The following KAZN variants were observed in gnomAD, a reference collection of about 807,000 sequenced individuals.
KAZN encodes the protein kazrin, periplakin interacting protein, also known as kazrin.
A neutral mutation model predicts 87.4 loss-of-function variants in KAZN; 40 were observed. The ratio of observed to expected loss-of-function variants is 0.46; its 90% CI spans 0.36 to 0.60. The LOEUF is 0.60. Ranked by LOEUF, KAZN falls within the 20% of genes least tolerant of loss-of-function variation. The probability of loss-of-function intolerance (pLI) is 0.00; values close to 1 mark genes in which losing one functional copy is unlikely to be tolerated. For synonymous variants in KAZN, 466 were observed against 458.3 expected, an observed-to-expected ratio of 1.02 and a Z score of -0.22; for missense variants, 898 against 1,073.9, an observed-to-expected ratio of 0.84 and a Z score of 2.29.
intron 1 of KAZN, among the ~76,000 whole-genome samples, chr1:14,049,033 C>T (rs960678505): frequency 6.6e-6 from 1 of 152,114 alleles, no homozygotes; most frequent in Non-Finnish European, 1.5e-5. Context: ...TATTGCAGCA[C>T]TATTCACAAT....
chr1:14,741,421 T>C (rs1322572833), intron 1 of KAZN, among the ~76,000 whole-genome samples: 1 of 152,190 alleles, frequency 6.6e-6, no homozygotes, highest in Non-Finnish European at 1.5e-5. Context: ...TACAGTTTTT[T>C]TCTTGGGTTT....
chr1:14,459,886 A>AT (rs757025620), intron 2 of KAZN, among the ~76,000 whole-genome samples: 20 of 152,034 alleles, frequency 1.3e-4, no homozygotes, highest in Non-Finnish European at 2.1e-4. Context: ...TTTCTGTGGG[A>AT]TTTTTTTTCT....
chr1:14,438,114 A>G (rs1666505195), intron 2 of KAZN, among the ~76,000 whole-genome samples: 2 of 145,176 alleles, frequency 1.4e-5, no homozygotes, highest in South Asian at 4.3e-4. Context: ...AAAAAAAAAG[A>G]TCTGAGCAAC....
intron 2 of KAZN, among the ~76,000 whole-genome samples, chr1:14,519,390 CAAAG>C (rs892143509): frequency 2.0e-5 from 3 of 152,152 alleles, no homozygotes; most frequent in Non-Finnish European, 4.4e-5. Context: ...GGCAAAGAAA[CAAAG>C]AAAGGACTTG....
At chr1:14,218,034 C>A (rs1646996547) in intron 2 of KAZN, among the ~76,000 whole-genome samples, 1 of 151,968 alleles carries the variant, frequency 6.6e-6, no homozygotes. Flanking sequence ...AGAGTAAATT[C>A]CAATAAACCA....
chr1:14,429,085 T>G (rs986672540), intron 2 of KAZN, among the ~76,000 whole-genome samples: 2 of 152,174 alleles, frequency 1.3e-5, no homozygotes, highest in Non-Finnish European at 2.9e-5. Context: ...AGGGAGTTTT[T>G]CTCTCCCATC....
chr1:14,823,495 T>TG (rs1386485614), intron 1 of KAZN, among the ~76,000 whole-genome samples: 1 of 151,988 alleles, frequency 6.6e-6, no homozygotes, highest in Non-Finnish European at 1.5e-5. Flanking sequence ...TTTGGAAATT[T>TG]GGGGGGTCGC....
chr1:14,953,673 G>A (rs1476745039), intron 1 of KAZN, among the ~76,000 whole-genome samples: 1 of 152,008 alleles, frequency 6.6e-6, no homozygotes, highest in Non-Finnish European at 1.5e-5. Context: ...TAATATTATT[G>A]TTACTTAGAC....
intron 1 of KAZN, among the ~76,000 whole-genome samples, chr1:14,077,659 A>C (rs117257023): frequency 6.6e-6 from 1 of 151,968 alleles, no homozygotes; most frequent in South Asian, 2.1e-4. Flanking sequence ...TATGGGTTGA[A>C]TTGTGTTTCC....
chr1:13,936,288 G>T (rs1640743191), intron 1 of KAZN, among the ~76,000 whole-genome samples: 1 of 151,336 alleles, frequency 6.6e-6, no homozygotes, highest in Non-Finnish European at 1.5e-5. Flanking sequence ...ATTTAGTAGA[G>T]ACAGAGTTTC....
chr1:14,587,572 A>T (rs991985343), intron 2 of KAZN, among the ~76,000 whole-genome samples: 1 of 151,940 alleles, frequency 6.6e-6, no homozygotes, highest in Admixed American at 6.6e-5. Flanking sequence ...GGGAGCAGGC[A>T]TGTCATATGG....
intron 1 of KAZN, among the ~76,000 whole-genome samples, chr1:14,762,482 T>G (rs28515136): frequency 1.9e-5 from 1 of 53,568 alleles, no homozygotes; most frequent in Admixed American, 1.6e-4. Flanking sequence ...TCCCAGCACT[T>G]TGGGAGGCCG....
intron 2 of KAZN, among the ~76,000 whole-genome samples, chr1:14,343,244 C>T (rs971429619): frequency 2.0e-5 from 3 of 152,084 alleles, no homozygotes; most frequent in Non-Finnish European, 2.9e-5. Flanking sequence ...TCAAAACCGT[C>T]AATTTGGGAG....
chr1:13,976,000 C>T (rs1638340490), intron 1 of KAZN, among the ~76,000 whole-genome samples: 1 of 152,220 alleles, frequency 6.6e-6, no homozygotes, highest in South Asian at 2.1e-4. Context: ...CAGTCCATTG[C>T]ACCCTGCCTT....
rs941091367 is a variant in KAZN at position 15,114,456 on chromosome 1, T to C, written c.2164-15T>C. 1 of 1,599,006 alleles carries C rather than the reference T, an allele frequency of 6.3e-7. No homozygotes were observed. Among genetic ancestry groups the C allele is most frequent in the Non-Finnish European group, 8.5e-7 (1 of 1,170,862 alleles). ...CTCTTCTTCCTGTCCTTTGATCATA[T>C]TCTTCTCTTCTCAGCTGCCCCTGGG... is the stretch of plus-strand genomic sequence containing the variant. On this transcript the variant is annotated splice_polypyrimidine_tract_variant and intron_variant, in intron 14 of 14. Coordinates refer to ENST00000376030, the MANE Select transcript of KAZN (RefSeq NM_201628.3).
chr1:14,998,502 A>G (rs1247052044), intron 2 of KAZN, among the ~76,000 whole-genome samples: 1 of 151,956 alleles, frequency 6.6e-6, no homozygotes, highest in Non-Finnish European at 1.5e-5. Flanking sequence ...TCACCCTCAT[A>G]ATACCCTATG....
At chr1:14,814,151 ATG>A (rs1646495808) in intron 1 of KAZN, among the ~76,000 whole-genome samples, 1 of 152,206 alleles carries the variant, frequency 6.6e-6, no homozygotes, top group African/African-American at 2.4e-5. Flanking sequence ...GTTTCCTTGG[ATG>A]TGAAGCCAAC....
At chr1:14,051,999 T>C (rs1642359292) in intron 1 of KAZN, among the ~76,000 whole-genome samples, 1 of 152,230 alleles carries the variant, frequency 6.6e-6, no homozygotes, top group African/African-American at 2.4e-5. Flanking sequence ...AGGCTAAACT[T>C]TGGGTATGGC....
chr1:14,670,239 C>A (rs1370107028), intron 1 of KAZN, among the ~76,000 whole-genome samples: 2 of 152,122 alleles, frequency 1.3e-5, no homozygotes, highest in African/African-American at 4.8e-5. Flanking sequence ...TTTACCAGCC[C>A]CAGAGGTGCA....
Sources: allele counts gnomAD v4.1 joint callset (sites outside exome capture counted in the v4.1 genomes callset), GRCh38; gene constraint gnomAD v4.1.1; transcripts MANE v1.5; gene names NCBI Gene and HGNC (gene_info 2026-07-23, HGNC 2026-07-21).